Variants in SLC35D2 observed in about 807,000 individuals in gnomAD.
The protein encoded by SLC35D2 is nucleotide sugar transporter SLC35D2.
In SLC35D2, 43 loss-of-function variants were observed where a neutral mutation model predicts 41.8. The observed-to-expected ratio is 1.03, with a 90% CI of 0.81 to 1.33. The LOEUF is 1.33. Ranked by LOEUF, SLC35D2 falls within the 40% of genes most tolerant of loss-of-function variation. The probability of loss-of-function intolerance (pLI) is 0.00; values close to 1 mark genes in which losing one functional copy is unlikely to be tolerated. For missense variants in SLC35D2, 380 were observed against 408.4 expected (o/e 0.93, Z 0.60); for synonymous variants, 150 against 163.9 (o/e 0.92, Z 0.65).
chr9:96,338,095 A>G (rs1231023563), intron 8 of SLC35D2, among the ~76,000 whole-genome samples: 2 of 151,068 alleles, frequency 1.3e-5, no homozygotes, highest in African/African-American at 4.9e-5. Context: ...GGAGTATTTT[A>G]TTCATGGTTG....
intron 6 of SLC35D2, among the ~76,000 whole-genome samples, chr9:96,350,405 G>A (rs1189976854): frequency 8.7e-6 from 1 of 115,434 alleles, no homozygotes; most frequent in Non-Finnish European, 1.6e-5. Context: ...TGTTTCCCAA[G>A]CTTATCTCAA....
At chr9:96,354,759 T>A (rs2130947721) in intron 4 of SLC35D2, among the ~76,000 whole-genome samples, 1 of 66,300 alleles carries the variant, frequency 1.5e-5, no homozygotes, top group South Asian at 7.0e-4. Context: ...AAAGTGAGAC[T>A]CCATCTCAAA....
intron 8 of SLC35D2, among the ~76,000 whole-genome samples, chr9:96,338,554 T>TTA (rs1396813444): frequency 2.6e-5 from 2 of 76,712 alleles, no homozygotes; most frequent in African/African-American, 1.8e-4. Context: ...AGACCCTGTC[T>TTA]CAAAAAAAAA....
chr9:96,364,483 TC>T lies in SLC35D2; in HGVS notation c.259del (p.Asp87IlefsTer6). The stretch of plus-strand genomic sequence containing the variant: ...ACTTACCTTTACAGGAATTTTCTTA[TC>T]AAAATCAGGGAAGTGAATGATTTTG... ...LNKIIHFPDF[D>X]KKIPVKLFPL... On this transcript the variant is annotated frameshift_variant, in exon 3 of 12. Transcript: ENST00000253270. LOFTEE classifies it high-confidence loss of function. 1 of 1,588,704 alleles carries T rather than the reference TC, an allele frequency of 6.3e-7. No homozygotes were observed. The highest frequency in any genetic ancestry group is 1.1e-5 in the South Asian group (1 of 90,342).
chr9:96,358,105 T>TATATATACATAC (rs546410635), intron 4 of SLC35D2, among the ~76,000 whole-genome samples: 1 of 143,524 alleles, frequency 7.0e-6, no homozygotes, highest in South Asian at 2.1e-4. Context: ...TATATATATA[T>TATATATACATAC]ATACCTGCAA....
downstream of SLC35D2, chr9:96,320,601 G>C (rs546421104): frequency 6.6e-6 from 1 of 151,046 alleles, no homozygotes; most frequent in Non-Finnish European, 1.5e-5. Context: ...CCCCAACCTC[G>C]AGTCATAAAG....
intron 9 of SLC35D2, among the ~76,000 whole-genome samples, chr9:96,324,817 A>T (rs1828442356): frequency 6.6e-6 from 1 of 151,450 alleles, no homozygotes; most frequent in Non-Finnish European, 1.5e-5. Context: ...GGCCTCCCAA[A>T]GTGCTAGGAT....
intron 1 of SLC35D2, among the ~76,000 whole-genome samples, chr9:96,379,484 T>C (rs1831100351): frequency 6.6e-6 from 1 of 152,146 alleles, no homozygotes; most frequent in African/African-American, 2.4e-5. Context: ...GATCACCCAT[T>C]CATTTGGTAC....
At chr9:96,344,556 ACAGAGCAGAT>A (rs146659014) in intron 7 of SLC35D2, among the ~76,000 whole-genome samples, 4 of 119,834 alleles carry the variant, frequency 3.3e-5, no homozygotes, top group Non-Finnish European at 5.1e-5. Context: ...AAAAAAAAAA[ACAGAGCAGAT>A]AAAAAAAAAA....
intron 10 of SLC35D2, among the ~76,000 whole-genome samples, chr9:96,322,717 G>GGTTTTTT (rs1401477705): frequency 1.8e-5 from 2 of 111,404 alleles, no homozygotes; most frequent in African/African-American, 7.7e-5. Flanking sequence ...GTTTTCTGGG[G>GGTTTTTT]TTTTTTTTTT....
At chr9:96,315,934 A>T (rs1828042641), downstream of SLC35D2, among the ~76,000 whole-genome samples, 1 of 152,222 alleles carries the variant, frequency 6.6e-6, no homozygotes, top group Non-Finnish European at 1.5e-5. Flanking sequence ...AACAAGAACC[A>T]ATGGAGGGTC....
At chr9:96,378,489 T>C (rs1050885226) in intron 1 of SLC35D2, among the ~76,000 whole-genome samples, 1 of 151,994 alleles carries the variant, frequency 6.6e-6, no homozygotes, top group African/African-American at 2.4e-5. Context: ...ACTAAACATA[T>C]ATAGTAAATA....
At chr9:96,367,947 C>T (rs1467574990) in intron 2 of SLC35D2, among the ~76,000 whole-genome samples, 7 of 152,180 alleles carry the variant, frequency 4.6e-5, no homozygotes, top group Admixed American at 1.3e-4. Flanking sequence ...TTCTCTCTCC[C>T]ACCCAGTCCT....
At chr9:96,333,393 G>A (rs28411076) in intron 9 of SLC35D2, among the ~76,000 whole-genome samples, 3 of 150,518 alleles carry the variant, frequency 2.0e-5, no homozygotes, top group Admixed American at 6.6e-5. Context: ...TCAGGAGATC[G>A]AGACCATCCT....
intron 1 of SLC35D2, among the ~76,000 whole-genome samples, chr9:96,371,916 C>T (rs1420753958): frequency 7.9e-5 from 12 of 151,088 alleles, no homozygotes; most frequent in African/African-American, 1.2e-4. Flanking sequence ...TTAGTAGAGA[C>T]GGGGTTTCAC....
chr9:96,344,727 AT>A (rs552894269), intron 7 of SLC35D2, among the ~76,000 whole-genome samples: 11,484 of 40,774 alleles, frequency 0.28, 1,290 homozygotes, highest in African/African-American at 0.38. Context: ...TGGGGGAGGG[AT>A]GGGGGAGGGG....
chr9:96,339,640 T>A (rs1829224754), intron 8 of SLC35D2, among the ~76,000 whole-genome samples: 1 of 152,132 alleles, frequency 6.6e-6, no homozygotes, highest in African/African-American at 2.4e-5. Flanking sequence ...GGTTTTTTAA[T>A]CAGGGAAAAA....
chr9:96,383,431 C>T, intron 1 of SLC35D2, 46 bp downstream of exon 1: 1 of 1,461,238 alleles, frequency 6.8e-7, no homozygotes, highest in Non-Finnish European at 9.2e-7. Context: ...AGGACAGGGG[C>T]AGCCCCGCAC....
intron 1 of SLC35D2, among the ~76,000 whole-genome samples, chr9:96,382,484 C>CT (rs1194763142): frequency 1.0e-4 from 15 of 144,948 alleles, no homozygotes; most frequent in African/African-American, 3.3e-4. Flanking sequence ...CACACACACA[C>CT]ACACACACAC....
Sources: allele counts gnomAD v4.1 joint callset (sites outside exome capture counted in the v4.1 genomes callset), GRCh38; gene constraint gnomAD v4.1.1; transcripts MANE v1.5; gene names NCBI Gene and HGNC (gene_info 2026-07-23, HGNC 2026-07-21).